CNTNAP5: variants seen among roughly 807,000 people sequenced by gnomAD.
CNTNAP5 encodes contactin associated protein family member 5, also known as contactin-associated protein-like 5.
A neutral mutation model predicts 150.2 loss-of-function variants in CNTNAP5; 72 were observed. The ratio of observed to expected loss-of-function variants is 0.48; its 90% CI spans 0.40 to 0.58. CNTNAP5 has a LOEUF of 0.58. CNTNAP5 is among the 20% of genes least tolerant of loss of function. The probability of loss-of-function intolerance (pLI) is 0.00; values close to 1 mark genes in which losing one functional copy is unlikely to be tolerated. For synonymous variants in CNTNAP5, 672 were observed against 619.8 expected (o/e 1.08, Z -1.25); for missense variants, 1,636 against 1,626.2 (o/e 1.01, Z -0.10).
At chr2:124,868,026 T>TA (rs1677668142) in intron 20 of CNTNAP5, among the ~76,000 whole-genome samples, 1 of 152,180 alleles carries the variant, frequency 6.6e-6, no homozygotes, top group Non-Finnish European at 1.5e-5. Context: ...CTCCTTCTCT[T>TA]ACATGCAGCA....
At chr2:124,372,888 G>A (rs1174330453) in intron 3 of CNTNAP5, among the ~76,000 whole-genome samples, 1 of 152,112 alleles carries the variant, frequency 6.6e-6, no homozygotes, top group Non-Finnish European at 1.5e-5. Flanking sequence ...GAAAAAGGAA[G>A]ATAGTATCAA....
rs142356064 is a variant in CNTNAP5 at position 124,739,925 on chromosome 2, C to T, written c.2078-7304C>T. Among the ~76,000 whole-genome samples the T allele has an allele frequency of 2.2e-3, 301 of 139,278 alleles. 2 individuals carry two copies. The highest frequency in any genetic ancestry group is 7.3e-3 in the African/African-American group (286 of 39,416). The allele number at this position is 139,278 out of a possible 152,430, so 91.4% of individuals were successfully genotyped here. A position where few individuals can be genotyped will look rare whatever the true frequency, so the allele number is the denominator to read the frequency against. On this transcript the variant is annotated intron_variant, in intron 13 of 23. Transcript: ENST00000682447. ...TACTCTTAGCTGTGTGCGGGACCTCCTTCCTATAAATGTTATGAGCTCTTT... is the reference window on the plus strand; with the variant it reads ...TACTCTTAGCTGTGTGCGGGACCTCTTTCCTATAAATGTTATGAGCTCTTT...
chr2:124,114,383 C>T (rs1286048725), intron 1 of CNTNAP5, among the ~76,000 whole-genome samples: 7 of 151,908 alleles, frequency 4.6e-5, no homozygotes, highest in East Asian at 1.9e-4. Flanking sequence ...TTTTATGATA[C>T]ATTATAAATT....
At chr2:124,739,722 A>G (rs1354937489) in intron 13 of CNTNAP5, among the ~76,000 whole-genome samples, 1 of 152,102 alleles carries the variant, frequency 6.6e-6, no homozygotes, top group African/African-American at 2.4e-5. Flanking sequence ...TTCTTTCTCC[A>G]CGGCACACTT....
At chr2:124,704,751 G>A (rs1679598115) in intron 13 of CNTNAP5, among the ~76,000 whole-genome samples, 1 of 152,042 alleles carries the variant, frequency 6.6e-6, no homozygotes, top group Non-Finnish European at 1.5e-5. Flanking sequence ...CCGGCTGCCA[G>A]TCTCCCTACC....
chr2:124,649,816 G>T (rs145845541), intron 13 of CNTNAP5, among the ~76,000 whole-genome samples: 1 of 152,174 alleles, frequency 6.6e-6, no homozygotes, highest in Non-Finnish European at 1.5e-5. Context: ...CTTGTGCTAT[G>T]CCTGGTACAT....
chr2:124,146,247 CTG>C (rs1684252221), intron 1 of CNTNAP5, among the ~76,000 whole-genome samples: 1 of 152,206 alleles, frequency 6.6e-6, no homozygotes, highest in African/African-American at 2.4e-5. Flanking sequence ...AGATGCCTAA[CTG>C]TGCCAAAAGC....
At chr2:124,467,536 G>A (rs185221656) in intron 6 of CNTNAP5, among the ~76,000 whole-genome samples, 2 of 152,062 alleles carry the variant, frequency 1.3e-5, no homozygotes, top group African/African-American at 4.8e-5. Flanking sequence ...CAAAGTTTTG[G>A]TAAATCAGAC....
At chr2:124,195,445 C>G (rs924829813) in intron 1 of CNTNAP5, among the ~76,000 whole-genome samples, 1 of 152,198 alleles carries the variant, frequency 6.6e-6, no homozygotes, top group African/African-American at 2.4e-5. Context: ...CAATACTCAA[C>G]ACTGTCCCAC....
chr2:124,355,518 G>C (rs1689975433), intron 3 of CNTNAP5, among the ~76,000 whole-genome samples: 1 of 152,084 alleles, frequency 6.6e-6, no homozygotes, highest in Admixed American at 6.6e-5. Flanking sequence ...ACTTTTCCAT[G>C]TCAGCCCTGT....
At chr2:124,447,339 G>A (rs781035782) in intron 6 of CNTNAP5, among the ~76,000 whole-genome samples, 2 of 152,130 alleles carry the variant, frequency 1.3e-5, no homozygotes, top group Admixed American at 6.5e-5. Flanking sequence ...ACCTGCAGTC[G>A]AGACTACCCT....
At chr2:124,729,320 A>C (rs1293309540) in intron 13 of CNTNAP5, among the ~76,000 whole-genome samples, 2 of 152,022 alleles carry the variant, frequency 1.3e-5, no homozygotes, top group African/African-American at 2.4e-5. Flanking sequence ...ATAATGTCTA[A>C]TTTTTGCAAA....
chr2:124,813,405 T>A (rs1002784583), intron 19 of CNTNAP5, among the ~76,000 whole-genome samples: 1 of 148,108 alleles, frequency 6.8e-6, no homozygotes, highest in African/African-American at 2.4e-5. Flanking sequence ...TTTTCTTTTT[T>A]TGAAGAAAAG....
chr2:124,424,647 A>C (rs1405863422), intron 4 of CNTNAP5, among the ~76,000 whole-genome samples: 1 of 152,206 alleles, frequency 6.6e-6, no homozygotes, highest in African/African-American at 2.4e-5. Context: ...CTTCCATCTT[A>C]AATCAATGAC....
chr2:124,912,585 T>G (rs1278235094), intron 23 of CNTNAP5, among the ~76,000 whole-genome samples: 1 of 152,140 alleles, frequency 6.6e-6, no homozygotes, highest in Non-Finnish European at 1.5e-5. Flanking sequence ...CTGACCTGAA[T>G]TTTTGCTCCA....
chr2:124,179,653 G>T (rs2104677863), intron 1 of CNTNAP5, among the ~76,000 whole-genome samples: 1 of 152,278 alleles, frequency 6.6e-6, no homozygotes, highest in South Asian at 2.1e-4. Flanking sequence ...AGATGAAAAT[G>T]CTTCCTTTAA....
intron 3 of CNTNAP5, among the ~76,000 whole-genome samples, chr2:124,379,123 CT>C (rs1573954908): frequency 6.7e-6 from 1 of 149,702 alleles, no homozygotes; most frequent in Non-Finnish European, 1.5e-5. Flanking sequence ...ACTGAGGTAC[CT>C]TTTTTTTTGT....
chr2:124,682,081 GCCTCAAGGTCAGT>G (rs1679081221), intron 13 of CNTNAP5, among the ~76,000 whole-genome samples: 1 of 152,084 alleles, frequency 6.6e-6, no homozygotes, highest in Non-Finnish European at 1.5e-5. Context: ...CTTGTGCAGG[GCCTCAAGGTCAGT>G]CATAGGTGAG....
intron 6 of CNTNAP5, among the ~76,000 whole-genome samples, chr2:124,458,631 T>C (rs1693177353): frequency 6.6e-6 from 1 of 152,022 alleles, no homozygotes; most frequent in African/African-American, 2.4e-5. Context: ...AACTTTCTCA[T>C]GTAACCAAAC....
Sources: allele counts gnomAD v4.1 joint callset (sites outside exome capture counted in the v4.1 genomes callset), GRCh38; gene constraint gnomAD v4.1.1; transcripts MANE v1.5; gene names NCBI Gene and HGNC (gene_info 2026-07-23, HGNC 2026-07-21).